IGSF10: variants seen among roughly 807,000 people sequenced by gnomAD.
IGSF10 encodes the protein immunoglobulin superfamily member 10.
In IGSF10, 126 loss-of-function variants were observed where a neutral mutation model predicts 128.2. The observed-to-expected ratio is 0.98, with a 90% CI of 0.85 to 1.14. The LOEUF (loss-of-function observed/expected upper bound fraction) is 1.14, where lower values mean the gene tolerates loss of function less well. Among genes scored for constraint, IGSF10 ranks in the 50% most tolerant of loss-of-function variants. The probability of loss-of-function intolerance (pLI) is 0.00; values close to 1 mark genes in which losing one functional copy is unlikely to be tolerated. For missense variants in IGSF10, 3,295 were observed against 3,149.8 expected (o/e 1.05, Z -1.10); for synonymous variants, 1,185 against 1,146.2 (o/e 1.03, Z -0.68).
chr3:151,468,459 A>G, the IGSF10 span, among the ~76,000 whole-genome samples: 2 of 152,212 alleles, frequency 1.3e-5, no homozygotes, highest in African/African-American at 2.4e-5. Context: ...AGGTCTGCCA[A>G]TAAGCCTCCC....
the IGSF10 span, among the ~76,000 whole-genome samples, chr3:151,489,048 T>C: frequency 6.6e-6 from 1 of 152,104 alleles, no homozygotes; most frequent in Non-Finnish European, 1.5e-5. Flanking sequence ...ACCTACATAA[T>C]GGGAGAAAAT....
At chr3:151,458,074 G>T (rs1194114881) in intron 3 of IGSF10, among the ~76,000 whole-genome samples, 1 of 151,414 alleles carries the variant, frequency 6.6e-6, no homozygotes, top group African/African-American at 2.4e-5. Context: ...AAATAAGTTT[G>T]TATGGAAAGA....
At chr3:151,607,133 A>C in the IGSF10 span, among the ~76,000 whole-genome samples, 2 of 152,182 alleles carry the variant, frequency 1.3e-5, no homozygotes, top group South Asian at 4.1e-4. Context: ...AAGAGAACAA[A>C]GTTAATGGAG....
chr3:151,536,509 C>T, the IGSF10 span, among the ~76,000 whole-genome samples: 1,814 of 152,258 alleles, frequency 0.012, 90 homozygotes, highest in East Asian at 0.17. Flanking sequence ...GCAACCTTAT[C>T]ACTGTGGCCC....
At chr3:151,592,747 A>G in the IGSF10 span, among the ~76,000 whole-genome samples, 2 of 152,226 alleles carry the variant, frequency 1.3e-5, no homozygotes, top group Non-Finnish European at 2.9e-5. Flanking sequence ...AATTTAAAGT[A>G]CTTAGAAACA....
the IGSF10 span, among the ~76,000 whole-genome samples, chr3:151,539,304 C>T: frequency 1.3e-5 from 2 of 152,256 alleles, no homozygotes; most frequent in South Asian, 2.1e-4. Flanking sequence ...TGAACTTTCG[C>T]ATAGCCGCTC....
the IGSF10 span, among the ~76,000 whole-genome samples, chr3:151,594,166 G>C: frequency 1.3e-5 from 2 of 152,046 alleles, no homozygotes; most frequent in African/African-American, 4.8e-5. Context: ...CTCTTTGGAA[G>C]CCTTGTCCTG....
the IGSF10 span, among the ~76,000 whole-genome samples, chr3:151,486,295 T>C: frequency 6.6e-6 from 1 of 152,084 alleles, no homozygotes; most frequent in African/African-American, 2.4e-5. Context: ...ATGCACCCAA[T>C]ACAGGAGCAC....
rs1425145538 is a variant in IGSF10, at chr3:151,443,501, C to G, written c.5446G>C (p.Gly1816Arg). ...TTGCTGGCCACACATTTGTAAAAGC[C>G]ACGGTCATAAATACTGAGATTGTGG... ...VLHNLSIYDR[G>R]FYKCVASNPG... The change falls in exon 7 of 8, where the codon GGC becomes CGC. Residue 1816 changes from glycine (G) to arginine (R), a missense_variant. Physicochemically the swap from Gly to Arg is moderately radical, Grantham distance 125 (BLOSUM62 -2). Coordinates refer to ENST00000282466, the MANE Select transcript of IGSF10 (RefSeq NM_178822.5). 1 of 1,614,226 alleles carries G rather than the reference C, an allele frequency of 6.2e-7. No homozygotes were observed. Among genetic ancestry groups the G allele is most frequent in the African/African-American group, 1.3e-5 (1 of 75,060 alleles).
chr3:151,464,612 C>T (rs1722219023), upstream of IGSF10, among the ~76,000 whole-genome samples: 1 of 152,166 alleles, frequency 6.6e-6, no homozygotes. Context: ...TATGTGTCAA[C>T]AGATAACCAA....
the IGSF10 span, among the ~76,000 whole-genome samples, chr3:151,544,589 C>T: frequency 1.3e-5 from 2 of 152,250 alleles, no homozygotes; most frequent in South Asian, 2.1e-4. Flanking sequence ...CACCTACCCA[C>T]CCTGTTTTAG....
the IGSF10 span, among the ~76,000 whole-genome samples, chr3:151,582,642 C>A: frequency 6.6e-6 from 1 of 152,094 alleles, no homozygotes; most frequent in Non-Finnish European, 1.5e-5. Context: ...TTCACCCATT[C>A]AACTATTGAT....
chr3:151,436,820 T>G lies in IGSF10; in HGVS notation c.7741A>C (p.Ser2581Arg), dbSNP rs759034389. The G allele has an allele frequency of 2.6e-5, 42 of 1,614,080 alleles. No individual in the cohort carries two copies. The highest frequency in any genetic ancestry group is 1.7e-6 in the Non-Finnish European group (2 of 1,180,024). ...STASKERTHG[S>R]EQLHLQGTLV... ...GTACCTTGTAAGTGAAGCTGCTCAC[T>G]TCCATGTGTCCTCTCTTTACTTGCC... Residue 2581 changes from serine (S) to arginine (R), a missense_variant, in exon 8 of 8, where the codon AGT becomes CGT. By Grantham distance (110) the Ser-to-Arg change is moderately radical. Coordinates refer to ENST00000282466, the MANE Select transcript of IGSF10 (RefSeq NM_178822.5).
chr3:151,553,645 C>T, the IGSF10 span, among the ~76,000 whole-genome samples: 1 of 151,032 alleles, frequency 6.6e-6, no homozygotes, highest in African/African-American at 2.4e-5. Context: ...TATATATATA[C>T]AATATATATT....
Position 151,446,076 on chromosome 3 carries a change from A to G in IGSF10, c.3905T>C (p.Ile1302Thr). ...GCTTTTTGTACTTGAGTCTTTGCTT[A>G]TAATACTAGGAAGCATAGGGTTAAG... ...PPLNPMLPSI[I>T]SKDSSTKSII... is the part of the protein sequence containing the mutation. Residue 1302 changes from isoleucine (I) to threonine (T), a missense_variant, in exon 6 of 8, where the codon ATA becomes ACA. By Grantham distance (89) the Ile-to-Thr change is moderately conservative. Coordinates refer to ENST00000282466, the MANE Select transcript of IGSF10 (RefSeq NM_178822.5). 6.2e-7 allele frequency: 1 copy of G among 1,614,150 alleles called. No homozygotes were observed. The highest frequency in any genetic ancestry group is 1.7e-5 in the Admixed American group (1 of 60,012).
In IGSF10 at chr3:151,453,613, T is replaced by G; in HGVS notation, c.486A>C (p.Gly162=). Residue 162 remains glycine (G), a synonymous_variant, in exon 5 of 8, where the codon GGA becomes GGC. Transcript: ENST00000282466. The part of the protein sequence containing the change: ...LNFLRLVHLE[G]NQLTKLHPDT... ...CTGGGTGGAGCTTAGTGAGCTGATT[T>G]CCTTCCAAGTGCACCAGGCGGAGAA... 1 of 1,614,084 alleles carries G rather than the reference T, an allele frequency of 6.2e-7. No individual in the cohort carries two copies. The highest frequency in any genetic ancestry group is 8.5e-7 in the Non-Finnish European group (1 of 1,179,970).
chr3:151,619,406 G>A, the IGSF10 span, among the ~76,000 whole-genome samples: 1 of 150,238 alleles, frequency 6.7e-6, no homozygotes. Context: ...AATGGCATAT[G>A]AAATAGTATT....
chr3:151,487,099 AG>A, the IGSF10 span, among the ~76,000 whole-genome samples: 1 of 151,730 alleles, frequency 6.6e-6, no homozygotes. Flanking sequence ...CTAATGAAGA[AG>A]AAAGGAAAGA....
upstream of IGSF10, among the ~76,000 whole-genome samples, chr3:151,462,374 A>G (rs374511260): frequency 8.5e-5 from 13 of 152,336 alleles, no homozygotes; most frequent in African/African-American, 2.2e-4. Flanking sequence ...TTAGGAGTCC[A>G]TGTGTTAACA....
Sources: allele counts gnomAD v4.1 joint callset (sites outside exome capture counted in the v4.1 genomes callset), GRCh38; gene constraint gnomAD v4.1.1; transcripts MANE v1.5; gene names NCBI Gene and HGNC (gene_info 2026-07-23, HGNC 2026-07-21).